PKNOX2: variants seen among roughly 807,000 people sequenced by gnomAD.
PKNOX2 encodes the protein PBX/knotted 1 homeobox 2, also known as homeobox protein PKNOX2.
In PKNOX2, 14 loss-of-function variants were observed where a neutral mutation model predicts 53.1. That is an observed-to-expected ratio of 0.26 (90% CI 0.17 to 0.41). The LOEUF (loss-of-function observed/expected upper bound fraction) is 0.41, where lower values mean the gene tolerates loss of function less well. PKNOX2 is among the 10% of genes least tolerant of loss of function. The probability of loss-of-function intolerance (pLI) is 1.00; values close to 1 mark genes in which losing one functional copy is unlikely to be tolerated. For synonymous variants in PKNOX2, 257 were observed against 242.8 expected, an observed-to-expected ratio of 1.06 and a Z score of -0.54; for missense variants, 496 against 602.8, an observed-to-expected ratio of 0.82 and a Z score of 1.85.
At chr11:125,267,540 T>C (rs758321641) in intron 2 of PKNOX2, among the ~76,000 whole-genome samples, 6 of 152,234 alleles carry the variant, frequency 3.9e-5, no homozygotes, top group Non-Finnish European at 5.9e-5. Context: ...TGGGGTGCTT[T>C]CTAGCTCCGC....
intron 1 of PKNOX2, among the ~76,000 whole-genome samples, chr11:125,223,191 T>A (rs1005290287): frequency 1.1e-4 from 16 of 151,740 alleles, no homozygotes; most frequent in Admixed American, 6.5e-4. Flanking sequence ...CCTCCATACC[T>A]CAGTTTACCT....
At chr11:125,290,909 C>T (rs1230951954) in intron 2 of PKNOX2, among the ~76,000 whole-genome samples, 1 of 151,946 alleles carries the variant, frequency 6.6e-6, no homozygotes, top group African/African-American at 2.4e-5. Flanking sequence ...AGATATGACA[C>T]CTGAGCTGAC....
In PKNOX2 at chr11:125,431,462, GGGAAGGGGA is replaced by G; in HGVS notation, c.*71_*79del. 2 of 355,452 alleles carry G rather than the reference GGGAAGGGGA, an allele frequency of 5.6e-6. No individual in the cohort carries two copies. The highest frequency in any genetic ancestry group is 7.2e-5 in the East Asian group (1 of 13,938). 22.0% of individuals were successfully genotyped at this position (355,452 alleles called of 1,614,324 possible). ...TCGCCGGGAGGCCTTCAGGGTGGGG[GGGAAGGGGA>G]CATGGGCAGGAAGCACCGAGGGAGT... On this transcript the variant is annotated 3_prime_UTR_variant, in exon 13 of 13. Transcript: ENST00000298282.
intron 5 of PKNOX2, among the ~76,000 whole-genome samples, chr11:125,382,885 G>A (rs1185314174): frequency 2.0e-5 from 3 of 152,150 alleles, no homozygotes; most frequent in African/African-American, 7.2e-5. Context: ...TTTCTCAATG[G>A]ATCTCCTGGC....
At chr11:125,372,714 G>A (rs1166797418) in intron 5 of PKNOX2, among the ~76,000 whole-genome samples, 1 of 152,054 alleles carries the variant, frequency 6.6e-6, no homozygotes, top group Admixed American at 6.6e-5. Flanking sequence ...CTCCTTCCTC[G>A]CAGCTCCAGA....
chr11:125,178,613 A>AAGGAAGGAAGGAAGGAAGGAAG (rs781609687), intron 1 of PKNOX2, among the ~76,000 whole-genome samples: 1 of 43,792 alleles, frequency 2.3e-5, no homozygotes, highest in East Asian at 8.5e-4. Flanking sequence ...AAGGAAGGAA[A>AAGGAAGGAAGGAAGGAAGGAAG]GAAAGAAAGA....
intron 1 of PKNOX2, among the ~76,000 whole-genome samples, chr11:125,227,979 G>T (rs1203032868): frequency 1.3e-5 from 2 of 152,132 alleles, no homozygotes; most frequent in Admixed American, 1.3e-4. Flanking sequence ...TCCACTGCTG[G>T]TCCTGGCTGG....
At chr11:125,389,546 G>T (rs868604706) in intron 6 of PKNOX2, among the ~76,000 whole-genome samples, 1 of 152,056 alleles carries the variant, frequency 6.6e-6, no homozygotes, top group Admixed American at 6.5e-5. Flanking sequence ...TCCCATAGCC[G>T]CAGGGGCTCA....
intron 2 of PKNOX2, among the ~76,000 whole-genome samples, chr11:125,324,598 G>A (rs1565497277): frequency 6.6e-6 from 1 of 152,150 alleles, no homozygotes; most frequent in Non-Finnish European, 1.5e-5. Flanking sequence ...CTGTGCATAG[G>A]ATGCTGTAAG....
intron 4 of PKNOX2, among the ~76,000 whole-genome samples, chr11:125,367,351 G>A (rs1352903807): frequency 6.6e-6 from 1 of 152,170 alleles, no homozygotes; most frequent in Non-Finnish European, 1.5e-5. Context: ...CAAATTTGGA[G>A]AGCCATTCAG....
chr11:125,342,032 A>C (rs1478287347), intron 3 of PKNOX2, among the ~76,000 whole-genome samples: 1 of 152,096 alleles, frequency 6.6e-6, no homozygotes, highest in Non-Finnish European at 1.5e-5. Context: ...GTTTCTTGTG[A>C]GCTCTGCCTG....
At chr11:125,415,534 A>C (rs558927717) in intron 10 of PKNOX2, among the ~76,000 whole-genome samples, 3 of 151,996 alleles carry the variant, frequency 2.0e-5, no homozygotes, top group Non-Finnish European at 4.4e-5. Flanking sequence ...TTATTCTTAC[A>C]GGACGAAGGG....
chr11:125,225,635 C>T (rs1343204922), intron 1 of PKNOX2, among the ~76,000 whole-genome samples: 2 of 152,140 alleles, frequency 1.3e-5, no homozygotes, highest in African/African-American at 2.4e-5. Context: ...TCTGGCCTGG[C>T]GACCCTGGCT....
At chr11:125,297,175 C>T (rs1947715230) in intron 2 of PKNOX2, among the ~76,000 whole-genome samples, 1 of 152,144 alleles carries the variant, frequency 6.6e-6, no homozygotes, top group Non-Finnish European at 1.5e-5. Flanking sequence ...ATTATTCTTC[C>T]CATTATACAG....
intron 1 of PKNOX2, among the ~76,000 whole-genome samples, chr11:125,189,602 G>T (rs1278175609): frequency 1.3e-5 from 2 of 150,644 alleles, no homozygotes; most frequent in Non-Finnish European, 3.0e-5. Flanking sequence ...AAATATCTGT[G>T]TAATAATTTA....
intron 2 of PKNOX2, among the ~76,000 whole-genome samples, chr11:125,328,253 A>T (rs1417070087): frequency 2.0e-5 from 3 of 152,168 alleles, no homozygotes; most frequent in Non-Finnish European, 4.4e-5. Flanking sequence ...CATCACACAC[A>T]CATTGTAGGT....
At chr11:125,221,381 A>G (rs1184687450) in intron 1 of PKNOX2, among the ~76,000 whole-genome samples, 1 of 152,174 alleles carries the variant, frequency 6.6e-6, no homozygotes, top group East Asian at 1.9e-4. Flanking sequence ...CATCCATGTG[A>G]TAAGTGCAGT....
At chr11:125,357,928 T>C (rs1435472548) in intron 4 of PKNOX2, among the ~76,000 whole-genome samples, 3 of 152,236 alleles carry the variant, frequency 2.0e-5, no homozygotes, top group Non-Finnish European at 4.4e-5. Flanking sequence ...CTGTGGGCCA[T>C]GCGGACATTG....
intron 5 of PKNOX2, among the ~76,000 whole-genome samples, chr11:125,379,065 T>A (rs1048669016): frequency 2.0e-5 from 3 of 151,002 alleles, no homozygotes; most frequent in African/African-American, 4.9e-5. Context: ...CTTTTTTTTT[T>A]TTTTTTATTT....
Sources: gnomAD v4.1 joint callset for allele counts (sites outside exome capture counted in the v4.1 genomes callset) on GRCh38, gnomAD v4.1.1 for gene constraint, MANE v1.5 for transcripts, NCBI Gene and HGNC (gene_info 2026-07-23, HGNC 2026-07-21) for gene names.